Variants in SPPL3 observed in about 807,000 individuals in gnomAD.
The protein encoded by SPPL3 is signal peptide peptidase like 3, also known as signal peptide peptidase-like 3.
SPPL3 carries 5 observed loss-of-function variants against 42.4 expected under a neutral mutation model. The ratio of observed to expected loss-of-function variants is 0.12; its 90% CI spans 0.06 to 0.25. The LOEUF (loss-of-function observed/expected upper bound fraction) is 0.25. Ranked by LOEUF, SPPL3 falls within the 10% of genes least tolerant of loss-of-function variation. SPPL3 has a pLI of 1.00. For missense variants in SPPL3, 235 were observed against 489.0 expected (o/e 0.48, Z 4.90); for synonymous variants, 195 against 181.8 (o/e 1.07, Z -0.58).
At chr12:120,777,257 T>A (rs2136973476) in intron 6 of SPPL3, among the ~76,000 whole-genome samples, 1 of 152,306 alleles carries the variant, frequency 6.6e-6, no homozygotes, top group African/African-American at 2.4e-5. Flanking sequence ...CTGGACTAGG[T>A]AAGATTTAAG....
intron 6 of SPPL3, among the ~76,000 whole-genome samples, chr12:120,777,767 T>G (rs1869376997): frequency 6.6e-6 from 1 of 152,232 alleles, no homozygotes; most frequent in Non-Finnish European, 1.5e-5. Flanking sequence ...ACTGCTTATA[T>G]GCATAGTGGG....
At position 120,789,451 on chromosome 12, in the gene SPPL3, C is replaced by CA. The variant is rs60082359; in HGVS notation, c.190+2017dup. ...CCTGGGTGACAGTGAGACTCTGTCT[C>CA]AAAAAAAAAAAGAAAAAAAGCATTT... On this transcript the variant is annotated intron_variant, in intron 3 of 10. Transcript: ENST00000353487. Among the ~76,000 whole-genome samples the CA allele has an allele frequency of 1.4e-3, 135 of 96,182 alleles. 5 individuals carry two copies. Among genetic ancestry groups the CA allele is most frequent in the African/African-American group, 3.3e-3 (82 of 24,776 alleles). 63.1% of individuals were successfully genotyped at this position (96,182 alleles called of 152,430 possible). A position where few individuals can be genotyped will look rare whatever the true frequency, so the allele number is the denominator to read the frequency against.
intron 1 of SPPL3, among the ~76,000 whole-genome samples, chr12:120,853,086 AG>A (rs1440035220): frequency 1.3e-5 from 2 of 151,386 alleles, no homozygotes; most frequent in Admixed American, 6.6e-5. Context: ...TAGTGGAGAC[AG>A]GGTTTGACTG....
rs1241297900 is a variant in SPPL3, at chr12:120,764,913, G to A, written c.*86C>T. ...TCCTTAAACACAGGTACATTTCTGA[G>A]TACCAGGCCAGCTCTAAGAGGAAAC... is the stretch of plus-strand genomic sequence containing the variant. On this transcript the variant is annotated 3_prime_UTR_variant, in exon 11 of 11. Coordinates refer to ENST00000353487, the MANE Select transcript of SPPL3 (RefSeq NM_139015.5). 4.9e-6 allele frequency: 7 copies of A among 1,438,236 alleles called. No individual in the cohort carries two copies. The highest frequency in any genetic ancestry group is 6.7e-6 in the Non-Finnish European group (7 of 1,046,766). 89.1% of individuals were successfully genotyped at this position (1,438,236 alleles called of 1,614,324 possible).
chr12:120,819,461 T>C (rs1184628955), intron 1 of SPPL3, among the ~76,000 whole-genome samples: 1 of 152,234 alleles, frequency 6.6e-6, no homozygotes. Flanking sequence ...AAAAATTCTA[T>C]TTTCACTTGA....
intron 1 of SPPL3, among the ~76,000 whole-genome samples, chr12:120,895,318 T>C (rs1873767331): frequency 6.6e-6 from 1 of 151,758 alleles, no homozygotes; most frequent in Admixed American, 6.6e-5. Context: ...ACCCAGCTAC[T>C]TTGGAGGCTG....
intron 1 of SPPL3, among the ~76,000 whole-genome samples, chr12:120,823,044 C>T (rs542827512): frequency 6.6e-6 from 1 of 151,778 alleles, no homozygotes; most frequent in South Asian, 2.1e-4. Flanking sequence ...AGCATGGAGG[C>T]CTATGTGACA....
At position 120,824,149 on chromosome 12, in the gene SPPL3, C is replaced by T. The variant is rs527514587; in HGVS notation, c.24-13263G>A. Reference sequence around the variant, plus strand: ...CCTCCCAAAGTGCTAGGATTATAGGCGTGAGCCACTGCACCCAGCCCACAA... The same window carrying T: ...CCTCCCAAAGTGCTAGGATTATAGGTGTGAGCCACTGCACCCAGCCCACAA... On this transcript the variant is annotated intron_variant, in intron 1 of 10. Transcript: ENST00000353487. Among the ~76,000 whole-genome samples, 176 of 152,198 alleles carry T rather than the reference C, an allele frequency of 1.2e-3. 1 individual carries two copies. Among genetic ancestry groups the T allele is most frequent in the Non-Finnish European group, 1.9e-3 (129 of 68,012 alleles).
intron 6 of SPPL3, among the ~76,000 whole-genome samples, chr12:120,779,730 C>T (rs1203613588): frequency 6.8e-6 from 1 of 147,954 alleles, no homozygotes; most frequent in Non-Finnish European, 1.5e-5. Context: ...ATCCCAGCAC[C>T]TTGGGAGGCT....
chr12:120,816,029 C>G (rs1409072143), intron 1 of SPPL3, among the ~76,000 whole-genome samples: 1 of 152,104 alleles, frequency 6.6e-6, no homozygotes, highest in Admixed American at 6.5e-5. Context: ...CACACCTGGC[C>G]TGGATTAAAT....
chr12:120,813,723 G>C (rs1870768637), intron 1 of SPPL3, among the ~76,000 whole-genome samples: 2 of 151,902 alleles, frequency 1.3e-5, no homozygotes, highest in Non-Finnish European at 2.9e-5. Flanking sequence ...CCAGTGTCTT[G>C]GGTTCCTAAG....
chr12:120,847,900 G>A (rs904662157), intron 1 of SPPL3, among the ~76,000 whole-genome samples: 2 of 152,090 alleles, frequency 1.3e-5, no homozygotes, highest in African/African-American at 2.4e-5. Flanking sequence ...AATCTGAACC[G>A]TGCTCATTTT....
Position 120,902,404 on chromosome 12 carries a change from C to T in SPPL3, c.23+1441G>A, listed in dbSNP as rs78127658. On this transcript the variant is annotated intron_variant, in intron 1 of 10. Transcript: ENST00000353487. ...TCAAAGTCTTCTACCTAAAACCATT[C>T]CTTATTTTCTGATATTACCCATTTC... Among the ~76,000 whole-genome samples, 895 of 152,300 alleles carry T rather than the reference C, an allele frequency of 5.9e-3. 12 individuals carry two copies. The highest frequency in any genetic ancestry group is 0.019 in the African/African-American group (810 of 41,560).
intron 6 of SPPL3, among the ~76,000 whole-genome samples, chr12:120,778,460 A>G (rs1869413576): frequency 6.6e-6 from 1 of 152,066 alleles, no homozygotes; most frequent in African/African-American, 2.4e-5. Context: ...TAGCAGTTCT[A>G]TGAAAGTTCC....
intron 1 of SPPL3, among the ~76,000 whole-genome samples, chr12:120,876,016 A>ACCCCCCCCC (rs36042995): frequency 1.4e-5 from 2 of 144,026 alleles, no homozygotes; most frequent in Non-Finnish European, 3.1e-5. Context: ...AAACAAACAG[A>ACCCCCCCCC]CCCCCCCCAC....
At chr12:120,861,787 T>C (rs1872623567) in intron 1 of SPPL3, among the ~76,000 whole-genome samples, 1 of 152,214 alleles carries the variant, frequency 6.6e-6, no homozygotes, top group Admixed American at 6.5e-5. Flanking sequence ...ACTTGTATTA[T>C]GAAATGATTT....
chr12:120,769,864 ATACT>A (rs1340551777), intron 6 of SPPL3: 2 of 150,100 alleles, frequency 1.3e-5, no homozygotes, highest in African/African-American at 4.9e-5. Context: ...AATTTTTTAC[ATACT>A]TTTTTTTTTT....
chr12:120,797,349 T>C (rs568226744), intron 2 of SPPL3, among the ~76,000 whole-genome samples: 3 of 152,122 alleles, frequency 2.0e-5, no homozygotes, highest in Non-Finnish European at 4.4e-5. Context: ...TCAGAAATCT[T>C]TCTCTCTGCA....
intron 1 of SPPL3, among the ~76,000 whole-genome samples, chr12:120,841,680 C>G (rs531488408): frequency 2.0e-5 from 3 of 152,280 alleles, no homozygotes; most frequent in Admixed American, 2.0e-4. Context: ...GGCCAAGTCC[C>G]AGTCTGTGCT....
Sources: gnomAD v4.1 joint callset for allele counts (sites outside exome capture counted in the v4.1 genomes callset) on GRCh38, gnomAD v4.1.1 for gene constraint, MANE v1.5 for transcripts, NCBI Gene and HGNC (gene_info 2026-07-23, HGNC 2026-07-21) for gene names.